The following FAM171A1 variants were observed in gnomAD, a reference collection of about 807,000 sequenced individuals.
FAM171A1 encodes protein FAM171A1.
FAM171A1 carries 23 observed loss-of-function variants against 74.9 expected under a neutral mutation model. That is an observed-to-expected ratio of 0.31 (90% CI 0.22 to 0.44). The LOEUF is 0.44. FAM171A1 is among the 20% of genes least tolerant of loss of function. The probability of loss-of-function intolerance (pLI) is 1.00; values close to 1 mark genes in which losing one functional copy is unlikely to be tolerated. For missense variants in FAM171A1, 1,162 were observed against 1,159.2 expected, an observed-to-expected ratio of 1.00 and a Z score of -0.03; for synonymous variants, 527 against 505.7, an observed-to-expected ratio of 1.04 and a Z score of -0.57.
intron 1 of FAM171A1, 39 bp from the exon 2 acceptor site, chr10:15,284,144 T>A: frequency 6.3e-7 from 1 of 1,580,796 alleles, no homozygotes; most frequent in Non-Finnish European, 8.6e-7. Flanking sequence ...CTACTGTCAA[T>A]GGGAAACATT....
intron 2 of FAM171A1, among the ~76,000 whole-genome samples, chr10:15,279,029 T>C (rs1834932107): frequency 6.6e-6 from 1 of 152,132 alleles, no homozygotes; most frequent in East Asian, 1.9e-4. Context: ...CGAGGATGCC[T>C]GGGTCTTCCT....
intron 5 of FAM171A1, among the ~76,000 whole-genome samples, chr10:15,229,194 G>A (rs79215829): frequency 4.6e-5 from 7 of 152,056 alleles, no homozygotes; most frequent in South Asian, 4.1e-4. Flanking sequence ...CATTTAGGGT[G>A]GGGGGCAAGG....
At chr10:15,256,981 G>A (rs1834588681) in intron 3 of FAM171A1, among the ~76,000 whole-genome samples, 2 of 152,126 alleles carry the variant, frequency 1.3e-5, no homozygotes. Context: ...CAATGATCAG[G>A]AAATATATGT....
chr10:15,305,783 G>A (rs771987647), intron 1 of FAM171A1, among the ~76,000 whole-genome samples: 5 of 151,114 alleles, frequency 3.3e-5, no homozygotes, highest in Non-Finnish European at 7.4e-5. Flanking sequence ...CATCCAATAT[G>A]CAAATTGGAC....
chr10:15,272,520 C>T (rs999390188), intron 3 of FAM171A1, among the ~76,000 whole-genome samples: 1 of 152,176 alleles, frequency 6.6e-6, no homozygotes, highest in Non-Finnish European at 1.5e-5. Flanking sequence ...AGGACTTGAA[C>T]TCAGCTCTGC....
chr10:15,220,698 T>C (rs1365813489), intron 6 of FAM171A1, among the ~76,000 whole-genome samples: 1 of 152,156 alleles, frequency 6.6e-6, no homozygotes, highest in Non-Finnish European at 1.5e-5. Flanking sequence ...GGCAGCTGTC[T>C]GAACAAAACA....
chr10:15,215,354 G>A (rs566055227), intron 7 of FAM171A1, among the ~76,000 whole-genome samples: 7 of 152,018 alleles, frequency 4.6e-5, no homozygotes, highest in South Asian at 2.1e-4. Flanking sequence ...AAACAGACAC[G>A]GCATCTAAAT....
chr10:15,231,493 G>A (rs922489527), intron 5 of FAM171A1, among the ~76,000 whole-genome samples: 4 of 152,046 alleles, frequency 2.6e-5, no homozygotes, highest in South Asian at 4.1e-4. Context: ...GTGAGCCACC[G>A]TGCACAGCCC....
At chr10:15,240,808 G>C in intron 5 of FAM171A1, 1 of 879,602 alleles carries the variant, frequency 1.1e-6, no homozygotes, top group East Asian at 1.2e-4. Context: ...GGGAGGCTGA[G>C]TTGGGAGGAT....
chr10:15,217,073 C>T lies in FAM171A1; in HGVS notation c.872-963G>A, dbSNP rs4474343. Among the ~76,000 whole-genome samples the T allele has an allele frequency of 3.2e-3, 482 of 152,186 alleles. 2 individuals carry two copies. Among genetic ancestry groups the T allele is most frequent in the African/African-American group, 0.011 (439 of 41,522 alleles). ...TGGCTTTTCAAAATAGCTAACCTTACGTGGCCAGAGATCTCTTTAGAACTT... is the reference window on the plus strand; with the variant it reads ...TGGCTTTTCAAAATAGCTAACCTTATGTGGCCAGAGATCTCTTTAGAACTT... On this transcript the variant is annotated intron_variant, in intron 6 of 7. Coordinates refer to ENST00000378116, the MANE Select transcript of FAM171A1 (RefSeq NM_001010924.2).
At chr10:15,280,940 C>T (rs1834960606) in intron 2 of FAM171A1, among the ~76,000 whole-genome samples, 1 of 152,180 alleles carries the variant, frequency 6.6e-6, no homozygotes, top group Non-Finnish European at 1.5e-5. Flanking sequence ...GGATCTGCGT[C>T]CCTGCCCAAA....
intron 5 of FAM171A1, among the ~76,000 whole-genome samples, chr10:15,221,480 G>T (rs1834039171): frequency 6.6e-6 from 1 of 152,192 alleles, no homozygotes; most frequent in Non-Finnish European, 1.5e-5. Context: ...CAGAGCTGCA[G>T]ACTGGCTATA....
At chr10:15,354,916 T>C (rs74124821) in intron 1 of FAM171A1, among the ~76,000 whole-genome samples, 3,831 of 152,354 alleles carry the variant, frequency 0.025, 159 homozygotes, top group African/African-American at 0.087. Context: ...TCTCCTGTTA[T>C]GCTCAATGCT....
At chr10:15,362,470 C>T (rs1836005633) in intron 1 of FAM171A1, among the ~76,000 whole-genome samples, 1 of 152,222 alleles carries the variant, frequency 6.6e-6, no homozygotes, top group South Asian at 2.1e-4. Context: ...CTTTGGGAGG[C>T]TGAGGTGGGT....
chr10:15,300,330 G>C (rs1835212659), intron 1 of FAM171A1, among the ~76,000 whole-genome samples: 1 of 152,060 alleles, frequency 6.6e-6, no homozygotes, highest in Non-Finnish European at 1.5e-5. Flanking sequence ...TGGTTTCTAG[G>C]CTCCTCACTT....
At chr10:15,314,916 G>A (rs1835404963) in intron 1 of FAM171A1, among the ~76,000 whole-genome samples, 1 of 152,208 alleles carries the variant, frequency 6.6e-6, no homozygotes, top group South Asian at 2.1e-4. Flanking sequence ...TCTGGGCCCT[G>A]TCTCTCCGGT....
At chr10:15,240,269 G>C (rs1834347074) in intron 5 of FAM171A1, among the ~76,000 whole-genome samples, 1 of 152,154 alleles carries the variant, frequency 6.6e-6, no homozygotes, top group African/African-American at 2.4e-5. Flanking sequence ...GCTGAGGCCA[G>C]AGAATCACTT....
chr10:15,361,012 G>A (rs1238332484), intron 1 of FAM171A1, among the ~76,000 whole-genome samples: 2 of 151,908 alleles, frequency 1.3e-5, no homozygotes, highest in African/African-American at 2.4e-5. Flanking sequence ...TTATTTTTTC[G>A]ATCTAAATTT....
intron 5 of FAM171A1, among the ~76,000 whole-genome samples, chr10:15,247,974 C>T (rs925660275): frequency 6.6e-6 from 1 of 152,160 alleles, no homozygotes; most frequent in African/African-American, 2.4e-5. Context: ...GGACCACAGC[C>T]TTGACTCACA....
Sources: gnomAD v4.1 joint callset for allele counts (sites outside exome capture counted in the v4.1 genomes callset) on GRCh38, gnomAD v4.1.1 for gene constraint, MANE v1.5 for transcripts, NCBI Gene and HGNC (gene_info 2026-07-23, HGNC 2026-07-21) for gene names.